The following PPP3CA variants were observed in gnomAD, a reference collection of about 807,000 sequenced individuals.
The protein encoded by PPP3CA is CAM-PRP catalytic subunit.
In PPP3CA, 14 loss-of-function variants were observed where a neutral mutation model predicts 66.5. The ratio of observed to expected loss-of-function variants is 0.21; its 90% CI spans 0.14 to 0.33. PPP3CA has a LOEUF of 0.33. Among genes scored for constraint, PPP3CA ranks in the 10% least tolerant of loss-of-function variants. The pLI is 1.00. For missense variants in PPP3CA, 317 were observed against 639.5 expected, an observed-to-expected ratio of 0.50 and a Z score of 5.44; for synonymous variants, 232 against 226.2, an observed-to-expected ratio of 1.03 and a Z score of -0.23.
At chr4:101,216,843 A>T (rs1316006233) in intron 1 of PPP3CA, among the ~76,000 whole-genome samples, 3 of 152,082 alleles carry the variant, frequency 2.0e-5, no homozygotes, top group Non-Finnish European at 4.4e-5. Flanking sequence ...GAGCCACCAT[A>T]CCTGGCCAGC....
intron 11 of PPP3CA, among the ~76,000 whole-genome samples, chr4:101,033,835 T>C (rs1005734648): frequency 6.6e-6 from 1 of 152,180 alleles, no homozygotes; most frequent in Non-Finnish European, 1.5e-5. Flanking sequence ...TGTAGATTTG[T>C]TTCTCTTGGA....
chr4:101,304,671 G>T (rs917620590), intron 1 of PPP3CA, among the ~76,000 whole-genome samples: 2 of 152,224 alleles, frequency 1.3e-5, no homozygotes, highest in South Asian at 4.2e-4. Flanking sequence ...GAATAAAAAT[G>T]TATACATTTA....
At chr4:101,085,071 C>T (rs527278033) in intron 6 of PPP3CA, among the ~76,000 whole-genome samples, 2 of 152,340 alleles carry the variant, frequency 1.3e-5, no homozygotes, top group South Asian at 2.1e-4. Context: ...AACCACTTTA[C>T]TTTCAGAGAT....
At chr4:101,180,806 G>A (rs1418105185) in intron 2 of PPP3CA, among the ~76,000 whole-genome samples, 1 of 152,036 alleles carries the variant, frequency 6.6e-6, no homozygotes, top group Non-Finnish European at 1.5e-5. Context: ...GGCCAAGGAG[G>A]GAGGAACACT....
At chr4:101,198,866 A>C (rs1039251097) in intron 1 of PPP3CA, among the ~76,000 whole-genome samples, 3 of 152,116 alleles carry the variant, frequency 2.0e-5, no homozygotes, top group African/African-American at 7.2e-5. Flanking sequence ...GCTCTGAGAT[A>C]TTGGCGCTGG....
chr4:101,046,175 G>C (rs1412614890), intron 10 of PPP3CA, among the ~76,000 whole-genome samples: 2 of 152,092 alleles, frequency 1.3e-5, no homozygotes, highest in Non-Finnish European at 2.9e-5. Context: ...AAACTGAACT[G>C]GCGGGATTTT....
At chr4:101,097,990 T>G (rs927461032) in intron 5 of PPP3CA, among the ~76,000 whole-genome samples, 3 of 152,232 alleles carry the variant, frequency 2.0e-5, no homozygotes, top group Non-Finnish European at 2.9e-5. Context: ...CACAGTTTAA[T>G]GGTTATGTTA....
intron 1 of PPP3CA, among the ~76,000 whole-genome samples, chr4:101,234,135 A>C (rs901954407): frequency 2.0e-5 from 3 of 151,690 alleles, no homozygotes; most frequent in African/African-American, 7.3e-5. Context: ...TCTTTATCCA[A>C]TCTGCCACTG....
chr4:101,106,756 T>C (rs181290972), intron 3 of PPP3CA, among the ~76,000 whole-genome samples: 136 of 152,214 alleles, frequency 8.9e-4, no homozygotes, highest in African/African-American at 3.0e-3. Flanking sequence ...CCTTGTTGAA[T>C]ATTATGTGGA....
chr4:101,123,464 A>G (rs1271258539), intron 2 of PPP3CA, among the ~76,000 whole-genome samples: 1 of 152,194 alleles, frequency 6.6e-6, no homozygotes, highest in Non-Finnish European at 1.5e-5. Context: ...AACATATGTC[A>G]TATTACAGGA....
chr4:101,346,821 G>A lies in PPP3CA; in HGVS notation c.-25C>T, dbSNP rs1319643290. On this transcript the variant is annotated 5_prime_UTR_variant, in exon 1 of 14. Transcript: ENST00000394854. Reference sequence around the variant, plus strand: ...TCTCCAGCTGCCGGAGGACAGCGACGCGCTGCTCGTCCGTCCGACTGCACA... The same window carrying A: ...TCTCCAGCTGCCGGAGGACAGCGACACGCTGCTCGTCCGTCCGACTGCACA... 1.6e-5 allele frequency: 26 copies of A among 1,606,182 alleles called. No homozygotes were observed. The highest frequency in any genetic ancestry group is 2.1e-5 in the Non-Finnish European group (25 of 1,177,050).
intron 1 of PPP3CA, among the ~76,000 whole-genome samples, chr4:101,304,555 T>G (rs1728477526): frequency 1.3e-5 from 2 of 152,230 alleles, no homozygotes; most frequent in African/African-American, 4.8e-5. Flanking sequence ...GCAATAAAAA[T>G]CTGAATGTTA....
intron 12 of PPP3CA, among the ~76,000 whole-genome samples, chr4:101,031,542 A>G (rs1295501285): frequency 1.3e-5 from 2 of 152,164 alleles, no homozygotes; most frequent in Non-Finnish European, 2.9e-5. Flanking sequence ...TAAATTAGAT[A>G]AAAGAAAACG....
At chr4:101,252,587 T>G (rs764874063) in intron 1 of PPP3CA, among the ~76,000 whole-genome samples, 1 of 152,192 alleles carries the variant, frequency 6.6e-6, no homozygotes. Flanking sequence ...ACTATGTGCA[T>G]CTATACACAA....
At chr4:101,064,481 A>T (rs895041232) in intron 8 of PPP3CA, among the ~76,000 whole-genome samples, 1 of 152,042 alleles carries the variant, frequency 6.6e-6, no homozygotes, top group African/African-American at 2.4e-5. Context: ...ATTAGAAGAC[A>T]GTAACCAACA....
At chr4:101,232,220 T>A (rs1213832661) in intron 1 of PPP3CA, among the ~76,000 whole-genome samples, 7 of 151,578 alleles carry the variant, frequency 4.6e-5, no homozygotes, top group African/African-American at 1.7e-4. Flanking sequence ...AGAAAAAAAT[T>A]GCTGTCAGTA....
At chr4:101,275,963 T>C (rs556435959) in intron 1 of PPP3CA, among the ~76,000 whole-genome samples, 64 of 151,692 alleles carry the variant, frequency 4.2e-4, no homozygotes, top group African/African-American at 1.5e-3. Context: ...GTGGAAATCA[T>C]AGTTCACTGC....
At chr4:101,298,188 A>G (rs1353600601) in intron 1 of PPP3CA, among the ~76,000 whole-genome samples, 1 of 152,082 alleles carries the variant, frequency 6.6e-6, no homozygotes, top group Admixed American at 6.6e-5. Context: ...CATTACAGAA[A>G]GATGTACCCT....
intron 1 of PPP3CA, among the ~76,000 whole-genome samples, chr4:101,287,171 C>T (rs1727870299): frequency 6.6e-6 from 1 of 151,836 alleles, no homozygotes; most frequent in Non-Finnish European, 1.5e-5. Flanking sequence ...ATTTCTGAAA[C>T]CCAGTAACTG....
Sources: gnomAD v4.1 joint callset for allele counts (sites outside exome capture counted in the v4.1 genomes callset) on GRCh38, gnomAD v4.1.1 for gene constraint, MANE v1.5 for transcripts, NCBI Gene and HGNC (gene_info 2026-07-23, HGNC 2026-07-21) for gene names.